The following TSHZ2 variants were observed in gnomAD, a reference collection of about 807,000 sequenced individuals.
TSHZ2 encodes the protein teashirt zinc finger homeobox 2, also known as teashirt homolog 2.
TSHZ2 carries 21 observed loss-of-function variants against 74.4 expected under a neutral mutation model. That is an observed-to-expected ratio of 0.28 (90% CI 0.20 to 0.41). The LOEUF is 0.41. Among genes scored for constraint, TSHZ2 ranks in the 10% least tolerant of loss-of-function variants. The pLI is 1.00. For missense variants in TSHZ2, 1,244 were observed against 1,293.5 expected (o/e 0.96, Z 0.59); for synonymous variants, 540 against 515.3 (o/e 1.05, Z -0.65).
At chr20:53,211,195 A>G (rs1180677857) in intron 1 of TSHZ2, among the ~76,000 whole-genome samples, 1 of 152,218 alleles carries the variant, frequency 6.6e-6, no homozygotes, top group Non-Finnish European at 1.5e-5. Flanking sequence ...CTCAATTTAC[A>G]TATGAGGAAA....
At chr20:53,003,596 A>G (rs1982524972) in intron 1 of TSHZ2, among the ~76,000 whole-genome samples, 1 of 152,156 alleles carries the variant, frequency 6.6e-6, no homozygotes, top group Non-Finnish European at 1.5e-5. Flanking sequence ...TCAGTGGCTT[A>G]ATGGTCAATC....
At position 53,254,022 on chromosome 20, in the gene TSHZ2, A is replaced by G; in HGVS notation, c.564A>G (p.Lys188=). 6.2e-7 allele frequency: 1 copy of G among 1,614,058 alleles called. No homozygotes were observed. Among genetic ancestry groups the G allele is most frequent in the Non-Finnish European group, 8.5e-7 (1 of 1,180,004 alleles). The change falls in exon 2 of 3, where the codon AAA becomes AAG. Residue 188 remains lysine, a synonymous_variant. Coordinates refer to ENST00000371497, the MANE Select transcript of TSHZ2 (RefSeq NM_173485.6). ...QQNLPSRSVS[K]PSLFSSVQLY... is the part of the protein sequence containing the mutation. ...ACTTGCCTTCTCGGTCCGTCTCGAA[A>G]CCCAGCCTGTTCAGCTCGGTGCAGT...
chr20:53,208,041 G>A (rs1989214944), intron 1 of TSHZ2, among the ~76,000 whole-genome samples: 1 of 151,690 alleles, frequency 6.6e-6, no homozygotes, highest in African/African-American at 2.4e-5. Flanking sequence ...CTTCACTGGA[G>A]AATCAAGTCA....
intron 2 of TSHZ2, chr20:53,461,693 C>T (rs1985378979): frequency 6.6e-6 from 1 of 152,208 alleles, no homozygotes; most frequent in African/African-American, 2.4e-5. Context: ...CCTGCATGCC[C>T]TTGTTGGAAA....
chr20:53,228,069 A>T (rs1374480790), intron 1 of TSHZ2, among the ~76,000 whole-genome samples: 11 of 138,278 alleles, frequency 8.0e-5, no homozygotes, highest in African/African-American at 2.4e-4. Flanking sequence ...ATCATTTAAG[A>T]TATTTTGATA....
intron 2 of TSHZ2, among the ~76,000 whole-genome samples, chr20:53,438,526 G>A (rs1984184510): frequency 6.6e-6 from 1 of 152,156 alleles, no homozygotes; most frequent in Non-Finnish European, 1.5e-5. Flanking sequence ...CTCATCCCTG[G>A]ACCAATCACT....
chr20:53,322,679 A>G (rs1047765685), intron 2 of TSHZ2, among the ~76,000 whole-genome samples: 1 of 152,170 alleles, frequency 6.6e-6, no homozygotes, highest in East Asian at 1.9e-4. Context: ...TCCAAGCCCA[A>G]GCTGCCACTG....
At chr20:53,284,014 A>G (rs1277628019) in intron 2 of TSHZ2, among the ~76,000 whole-genome samples, 2 of 152,222 alleles carry the variant, frequency 1.3e-5, no homozygotes, top group Non-Finnish European at 2.9e-5. Context: ...TGGCAGAAGG[A>G]AAGTAAAAAC....
chr20:53,312,273 A>G (rs1022577827), intron 2 of TSHZ2, among the ~76,000 whole-genome samples: 4 of 152,244 alleles, frequency 2.6e-5, no homozygotes, highest in African/African-American at 9.6e-5. Context: ...TCTTTTACAA[A>G]TATCAAGAGA....
At position 53,471,803 on chromosome 20, in the gene TSHZ2, CTTTTTTTT is replaced by C. The variant is rs58027394; in HGVS notation, c.*9-15328_*9-15321del. ...TAAGTGCCGTAGACACTTTTCTTTT[CTTTTTTTT>C]TTTTTTTTTTTTGAGATAGAGTTTC... On this transcript the variant is annotated intron_variant, in intron 2 of 2. Coordinates refer to ENST00000371497, the MANE Select transcript of TSHZ2 (RefSeq NM_173485.6). Among the ~76,000 whole-genome samples the C allele has an allele frequency of 5.7e-5, 5 of 87,270 alleles. No homozygotes were observed. In the East Asian group the frequency reaches 1.7e-3, roughly 30 times the overall value. 57.3% of individuals were successfully genotyped at this position (87,270 alleles called of 152,430 possible). A position where few individuals can be genotyped will look rare whatever the true frequency, so the allele number is the denominator to read the frequency against.
At chr20:53,184,098 T>C (rs1196932989) in intron 1 of TSHZ2, among the ~76,000 whole-genome samples, 1 of 152,258 alleles carries the variant, frequency 6.6e-6, no homozygotes, top group Non-Finnish European at 1.5e-5. Flanking sequence ...GCCTTCATCC[T>C]GCCATTTTTC....
At chr20:53,462,866 G>T (rs1210031685) in intron 2 of TSHZ2, among the ~76,000 whole-genome samples, 1 of 152,138 alleles carries the variant, frequency 6.6e-6, no homozygotes, top group Admixed American at 6.5e-5. Context: ...CCAAATCCAG[G>T]TTCCACCTCT....
At chr20:53,050,935 A>G (rs576806250) in intron 1 of TSHZ2, among the ~76,000 whole-genome samples, 17 of 152,366 alleles carry the variant, frequency 1.1e-4, no homozygotes, top group African/African-American at 4.1e-4. Context: ...AACAATATTT[A>G]CTATCTTTAC....
At chr20:53,420,710 C>A (rs1983438382) in intron 2 of TSHZ2, among the ~76,000 whole-genome samples, 1 of 152,076 alleles carries the variant, frequency 6.6e-6, no homozygotes, top group African/African-American at 2.4e-5. Context: ...TTGCAGTGAG[C>A]CGAGATTGTG....
chr20:53,444,812 T>A (rs1300665693), intron 2 of TSHZ2, among the ~76,000 whole-genome samples: 1 of 152,218 alleles, frequency 6.6e-6, no homozygotes, highest in African/African-American at 2.4e-5. Context: ...TCATCCCAAG[T>A]GGCCAACCAG....
rs142384452 is a variant in TSHZ2, at chr20:53,123,793, T to C, written c.41-129706T>C. On this transcript the variant is annotated intron_variant, in intron 1 of 2. Coordinates refer to ENST00000371497, the MANE Select transcript of TSHZ2 (RefSeq NM_173485.6). ...GAAGCTGGAAGAATGAAACAATTTG[T>C]GTAGGGCCAGAGCCTGAAAGTAAGG... Among the ~76,000 whole-genome samples, 643 of 152,300 alleles carry C rather than the reference T, an allele frequency of 4.2e-3. 6 individuals carry two copies. The highest frequency in any genetic ancestry group is 0.014 in the African/African-American group (596 of 41,558).
rs186712905 is a variant in TSHZ2 at position 53,229,945 on chromosome 20, G to A, written c.41-23554G>A. 6.0e-3 allele frequency among the ~76,000 whole-genome samples: 902 copies of A among 150,208 alleles called. 7 individuals carry two copies. The highest frequency in any genetic ancestry group is 0.021 in the African/African-American group (866 of 40,836). On this transcript the variant is annotated intron_variant, in intron 1 of 2. Transcript: ENST00000371497. ...AAGAAGGAAGAGAAAGAAAAGAGAG[G>A]AAGGAAGAAAGAGAAAGAAGAAGGA... is the stretch of plus-strand genomic sequence containing the variant.
intron 2 of TSHZ2, among the ~76,000 whole-genome samples, chr20:53,302,605 T>C (rs571016302): frequency 1.3e-5 from 2 of 152,336 alleles, no homozygotes; most frequent in East Asian, 3.9e-4. Context: ...TCGAACCCTC[T>C]TCACACTTCC....
At chr20:53,082,913 G>A (rs1016348658) in intron 1 of TSHZ2, among the ~76,000 whole-genome samples, 2 of 152,180 alleles carry the variant, frequency 1.3e-5, no homozygotes, top group African/African-American at 4.8e-5. Flanking sequence ...CTTCTCTGAT[G>A]GGAATATTAG....
Sources: gnomAD v4.1 joint callset for allele counts (sites outside exome capture counted in the v4.1 genomes callset) on GRCh38, gnomAD v4.1.1 for gene constraint, MANE v1.5 for transcripts, NCBI Gene and HGNC (gene_info 2026-07-23, HGNC 2026-07-21) for gene names.